The following NOL4 variants were observed in gnomAD, a reference collection of about 807,000 sequenced individuals.
NOL4 encodes cancer/testis antigen 125.
Under a neutral mutation model 75.9 loss-of-function variants are expected in NOL4, and 17 were observed. That is an observed-to-expected ratio of 0.22 (90% CI 0.15 to 0.34). The LOEUF (loss-of-function observed/expected upper bound fraction) is 0.34. Ranked by LOEUF, NOL4 falls within the 10% of genes least tolerant of loss-of-function variation. The pLI, the probability that NOL4 is intolerant of heterozygous loss-of-function variation, is 1.00. For synonymous variants in NOL4, 292 were observed against 289.9 expected (o/e 1.01, Z -0.07); for missense variants, 614 against 793.5 (o/e 0.77, Z 2.72).
intron 5 of NOL4, among the ~76,000 whole-genome samples, chr18:34,052,675 G>A (rs770790156): frequency 1.8e-4 from 28 of 151,990 alleles, no homozygotes; most frequent in Non-Finnish European, 2.8e-4. Context: ...AGAAGCTCAT[G>A]GTCTAGTATT....
Position 34,115,641 on chromosome 18 carries a change from G to A in NOL4, c.415-10481C>T, listed in dbSNP as rs74969137. Among the ~76,000 whole-genome samples, 779 of 152,020 alleles carry A rather than the reference G, an allele frequency of 5.1e-3. 6 individuals are homozygous for A. The highest frequency in any genetic ancestry group is 8.6e-3 in the Non-Finnish European group (585 of 67,974). On this transcript the variant is annotated intron_variant, in intron 2 of 10. Coordinates refer to ENST00000261592, the MANE Select transcript of NOL4 (RefSeq NM_003787.5). ...CACCTAGTCCTAATAGGTTTTTTAC[G>A]CCCTATGTAGATGAAATACTCCCTC...
At chr18:34,151,481 T>C (rs1284842610) in intron 1 of NOL4, among the ~76,000 whole-genome samples, 1 of 151,722 alleles carries the variant, frequency 6.6e-6, no homozygotes, top group Non-Finnish European at 1.5e-5. Context: ...TGGTTCCAAA[T>C]ATCTGACCTT....
chr18:34,154,051 A>T (rs550167461), intron 1 of NOL4, among the ~76,000 whole-genome samples: 1 of 152,156 alleles, frequency 6.6e-6, no homozygotes, highest in East Asian at 1.9e-4. Flanking sequence ...GCTAACATTC[A>T]GAGGATTCCA....
At chr18:33,999,827 T>G (rs1247979052) in intron 6 of NOL4, among the ~76,000 whole-genome samples, 1 of 152,012 alleles carries the variant, frequency 6.6e-6, no homozygotes, top group Non-Finnish European at 1.5e-5. Context: ...AATTGTTGTA[T>G]TTTTTTAGTA....
At chr18:34,111,363 T>C (rs1488545453) in intron 2 of NOL4, among the ~76,000 whole-genome samples, 1 of 152,210 alleles carries the variant, frequency 6.6e-6, no homozygotes, top group Non-Finnish European at 1.5e-5. Context: ...TCTTAAACTT[T>C]TTCTTTGAAA....
intron 9 of NOL4, among the ~76,000 whole-genome samples, chr18:33,914,397 C>A (rs550855717): frequency 1.3e-5 from 2 of 152,196 alleles, no homozygotes; most frequent in South Asian, 4.1e-4. Flanking sequence ...AGTCTAAGTG[C>A]AGCCTTTTAG....
intron 5 of NOL4, among the ~76,000 whole-genome samples, chr18:34,076,797 A>G (rs1217935730): frequency 2.0e-5 from 3 of 152,206 alleles, no homozygotes; most frequent in Non-Finnish European, 4.4e-5. Context: ...ATACTTCCAG[A>G]ATTCTTAGAC....
chr18:34,219,237 C>A (rs1044814172), intron 1 of NOL4, among the ~76,000 whole-genome samples: 1 of 152,152 alleles, frequency 6.6e-6, no homozygotes, highest in African/African-American at 2.4e-5. Flanking sequence ...ATAATTTAGA[C>A]CTTTGTGTCT....
At chr18:33,922,528 T>C (rs1450091845) in intron 9 of NOL4, among the ~76,000 whole-genome samples, 1 of 152,196 alleles carries the variant, frequency 6.6e-6, no homozygotes, top group Non-Finnish European at 1.5e-5. Flanking sequence ...TTCTAGCACT[T>C]AGTCTTGCAG....
At chr18:34,112,241 T>C (rs1265363991) in intron 2 of NOL4, among the ~76,000 whole-genome samples, 1 of 151,898 alleles carries the variant, frequency 6.6e-6, no homozygotes, top group African/African-American at 2.4e-5. Context: ...TGATGGCAGG[T>C]ACCTGTAATC....
At chr18:34,090,713 A>C (rs1479353324) in intron 5 of NOL4, among the ~76,000 whole-genome samples, 3 of 152,132 alleles carry the variant, frequency 2.0e-5, no homozygotes, top group African/African-American at 7.2e-5. Context: ...ATGAGGACTA[A>C]GGGTTGACCA....
At chr18:33,855,866 T>C (rs998874840) in intron 10 of NOL4, among the ~76,000 whole-genome samples, 14 of 144,938 alleles carry the variant, frequency 9.7e-5, no homozygotes, top group Admixed American at 3.4e-4. Flanking sequence ...ATCAGTTGAA[T>C]ACTTCTCCCG....
At chr18:34,006,999 G>A (rs1392450894) in intron 6 of NOL4, among the ~76,000 whole-genome samples, 1 of 151,986 alleles carries the variant, frequency 6.6e-6, no homozygotes, top group East Asian at 1.9e-4. Flanking sequence ...ACTAGAAAAA[G>A]TTTTGCTTCC....
At chr18:33,894,156 G>A (rs192845254) in intron 9 of NOL4, among the ~76,000 whole-genome samples, 1 of 152,194 alleles carries the variant, frequency 6.6e-6, no homozygotes, top group Non-Finnish European at 1.5e-5. Context: ...GATAGCAAGT[G>A]TTCCAGAACT....
chr18:33,927,724 A>G (rs1050775286), intron 9 of NOL4, among the ~76,000 whole-genome samples: 2 of 152,212 alleles, frequency 1.3e-5, no homozygotes, highest in African/African-American at 4.8e-5. Context: ...ATACAAGTAA[A>G]AAAAAGTAAA....
At chr18:34,176,968 G>T (rs2033608299) in intron 1 of NOL4, among the ~76,000 whole-genome samples, 1 of 151,882 alleles carries the variant, frequency 6.6e-6, no homozygotes, top group Non-Finnish European at 1.5e-5. Context: ...TCCTTTATAA[G>T]ATAGAGTTGA....
chr18:34,153,354 C>T (rs1600736644), intron 1 of NOL4, among the ~76,000 whole-genome samples: 2 of 151,890 alleles, frequency 1.3e-5, no homozygotes, highest in Middle Eastern at 3.4e-3. Flanking sequence ...CTTTGTTGTG[C>T]TATTGCTCAG....
intron 2 of NOL4, among the ~76,000 whole-genome samples, chr18:34,121,613 G>A (rs2080145735): frequency 6.6e-6 from 1 of 152,164 alleles, no homozygotes; most frequent in Non-Finnish European, 1.5e-5. Context: ...TTATGCAAGA[G>A]GCAAAGTGCA....
chr18:33,924,654 T>C (rs1159892902), intron 9 of NOL4, among the ~76,000 whole-genome samples: 2 of 152,230 alleles, frequency 1.3e-5, no homozygotes, highest in Non-Finnish European at 2.9e-5. Flanking sequence ...TGCTGTTTTA[T>C]TCCTACAAAG....
Sources: allele counts gnomAD v4.1 joint callset (sites outside exome capture counted in the v4.1 genomes callset), GRCh38; gene constraint gnomAD v4.1.1; transcripts MANE v1.5; gene names NCBI Gene and HGNC (gene_info 2026-07-23, HGNC 2026-07-21).